Variants in CNIH3 observed in about 807,000 individuals in gnomAD.
CNIH3 encodes the protein cornichon family AMPA receptor auxiliary protein 3.
Under a neutral mutation model 24.1 loss-of-function variants are expected in CNIH3, and 14 were observed. That is an observed-to-expected ratio of 0.58 (90% CI 0.38 to 0.91). CNIH3 has a LOEUF of 0.91. CNIH3 is among the 40% of genes least tolerant of loss of function. CNIH3 has a pLI of 0.00. For missense variants in CNIH3, 178 were observed against 196.8 expected, an observed-to-expected ratio of 0.90 and a Z score of 0.57; for synonymous variants, 68 against 73.8, an observed-to-expected ratio of 0.92 and a Z score of 0.40.
At chr1:224,675,544 A>G (rs1474018308) in intron 1 of CNIH3, among the ~76,000 whole-genome samples, 2 of 152,272 alleles carry the variant, frequency 1.3e-5, no homozygotes, top group African/African-American at 2.4e-5. Flanking sequence ...GCCACAGCAT[A>G]GAAGACAATA....
chr1:224,455,769 C>T (rs1675624062), intron 1 of CNIH3, among the ~76,000 whole-genome samples: 2 of 152,214 alleles, frequency 1.3e-5, no homozygotes, highest in South Asian at 4.2e-4. Context: ...CTGTGTCGGC[C>T]ACATTAAAGC....
At position 224,736,081 on chromosome 1, in the gene CNIH3, C is replaced by A. The variant is rs546290446; in HGVS notation, c.455+1375C>A. 3.9e-5 allele frequency among the ~76,000 whole-genome samples: 6 copies of A among 152,304 alleles called. No individual in the cohort carries two copies. In the East Asian group the frequency reaches 1.2e-3, roughly 29 times the overall value. On this transcript the variant is annotated intron_variant, in intron 5 of 5. Transcript: ENST00000272133. ...TCCTGAATTCCAGCTATTAGTGTCACAGCTGTAAGTAGTACATCTTGAGTC... is the reference window on the plus strand; with the variant it reads ...TCCTGAATTCCAGCTATTAGTGTCAAAGCTGTAAGTAGTACATCTTGAGTC...
intron 1 of CNIH3, among the ~76,000 whole-genome samples, chr1:224,435,436 G>A (rs1285952803): frequency 6.6e-6 from 1 of 152,200 alleles, no homozygotes; most frequent in Admixed American, 6.5e-5. Context: ...TTAGTCTAGA[G>A]GAGCATATCT....
intron 2 of CNIH3, among the ~76,000 whole-genome samples, chr1:224,526,998 C>T (rs556898502): frequency 6.6e-6 from 1 of 152,288 alleles, no homozygotes; most frequent in Admixed American, 6.5e-5. Flanking sequence ...GCCCCATGAC[C>T]CAATCACCTC....
At chr1:224,687,166 G>A (rs563356654) in intron 3 of CNIH3, among the ~76,000 whole-genome samples, 3 of 152,310 alleles carry the variant, frequency 2.0e-5, no homozygotes, top group East Asian at 3.9e-4. Context: ...TAGCTCCCAC[G>A]GGGAGTAGCA....
rs529241393 is a variant in CNIH3 at position 224,484,132 on chromosome 1, T to C, written n.204-31609T>C. Among the ~76,000 whole-genome samples, 363 of 148,654 alleles carry C rather than the reference T, an allele frequency of 2.4e-3. 1 individual carries two copies. The highest frequency in any genetic ancestry group is 8.6e-3 in the African/African-American group (345 of 40,064). ...GTTGCAGTGAGCGGAGATCGCACCA[T>C]TGCACTCTAGCCTGGGCAACAAGAG... On this transcript the variant is annotated intron_variant and non_coding_transcript_variant, in intron 1 of 5. Coordinates refer to the CNIH3 transcript ENST00000471578.
intron 3 of CNIH3, among the ~76,000 whole-genome samples, chr1:224,692,412 G>T (rs900942199): frequency 3.9e-5 from 6 of 152,100 alleles, no homozygotes; most frequent in African/African-American, 1.4e-4. Context: ...CTGTTAATAC[G>T]GTTCTTCCTA....
chr1:224,542,918 A>C (rs1435724115), intron 2 of CNIH3, among the ~76,000 whole-genome samples: 1 of 152,160 alleles, frequency 6.6e-6, no homozygotes, highest in Non-Finnish European at 1.5e-5. Flanking sequence ...GGAATTTTCC[A>C]AGTTGTCTTT....
chr1:224,513,315 A>AT (rs548599855), upstream of CNIH3, among the ~76,000 whole-genome samples: 29,276 of 72,490 alleles, frequency 0.4, 3,903 homozygotes, highest in African/African-American at 0.51. Flanking sequence ...CACCTGGTTA[A>AT]TTTTTTTTTT....
In CNIH3 at chr1:224,739,413, G is replaced by A; in HGVS notation, c.*57G>A. 6.3e-7 allele frequency: 1 copy of A among 1,587,174 alleles called. No individual in the cohort carries two copies. The highest frequency in any genetic ancestry group is 1.2e-5 in the South Asian group (1 of 85,720). On this transcript the variant is annotated 3_prime_UTR_variant, in exon 6 of 6. Coordinates refer to ENST00000272133, the MANE Select transcript of CNIH3 (RefSeq NM_152495.2). Reference sequence around the variant, plus strand: ...GATGGGAGAGGCCTGAGACGGAGAGGTGCATTTCTGCTGGTGACTGGAGGA... The same window carrying A: ...GATGGGAGAGGCCTGAGACGGAGAGATGCATTTCTGCTGGTGACTGGAGGA...
chr1:224,600,827 T>C (rs1286930323), intron 3 of CNIH3, among the ~76,000 whole-genome samples: 1 of 152,212 alleles, frequency 6.6e-6, no homozygotes. Flanking sequence ...CTTAATCTGA[T>C]AGAACTCCTG....
chr1:224,737,219 G>A (rs1308341072), intron 5 of CNIH3, among the ~76,000 whole-genome samples: 1 of 151,682 alleles, frequency 6.6e-6, no homozygotes, highest in Admixed American at 6.6e-5. Context: ...CCGCTGCGGG[G>A]GTGGGAGGGG....
At chr1:224,520,083 A>G (rs1003293929) in intron 1 of CNIH3, among the ~76,000 whole-genome samples, 1 of 152,168 alleles carries the variant, frequency 6.6e-6, no homozygotes, top group Non-Finnish European at 1.5e-5. Context: ...CAACAGCTGC[A>G]TCTTTGCCAC....
chr1:224,723,120 G>A (rs1323630523), intron 3 of CNIH3, among the ~76,000 whole-genome samples: 2 of 152,172 alleles, frequency 1.3e-5, no homozygotes, highest in Admixed American at 6.5e-5. Context: ...GGTCCCCAAC[G>A]AGCAGTGAGG....
intron 1 of CNIH3, among the ~76,000 whole-genome samples, chr1:224,639,726 C>A (rs1033667914): frequency 2.6e-5 from 4 of 152,184 alleles, no homozygotes; most frequent in Middle Eastern, 3.2e-3. Context: ...TTCTAAATTT[C>A]TTCCTGAGGG....
intron 1 of CNIH3, among the ~76,000 whole-genome samples, chr1:224,660,330 C>T (rs1329784576): frequency 6.6e-6 from 1 of 152,058 alleles, no homozygotes; most frequent in Non-Finnish European, 1.5e-5. Context: ...ATGGAAATCA[C>T]CCCCATAATT....
chr1:224,671,770 T>C (rs942753186), intron 1 of CNIH3, among the ~76,000 whole-genome samples: 3 of 152,150 alleles, frequency 2.0e-5, no homozygotes, highest in Admixed American at 2.0e-4. Context: ...AGACCCTGAG[T>C]CTTTTTCTAG....
chr1:224,669,893 C>T (rs569304057), intron 1 of CNIH3, among the ~76,000 whole-genome samples: 31 of 152,190 alleles, frequency 2.0e-4, no homozygotes, highest in African/African-American at 7.0e-4. Context: ...TGAGACATGC[C>T]GACTTGCATG....
chr1:224,674,288 T>A (rs1168651162), intron 1 of CNIH3, among the ~76,000 whole-genome samples: 4 of 86,120 alleles, frequency 4.6e-5, no homozygotes, highest in Non-Finnish European at 7.2e-5. Context: ...TTTTTTTTTT[T>A]TTTTTTTTTT....
Sources: gnomAD v4.1 joint callset for allele counts (sites outside exome capture counted in the v4.1 genomes callset) on GRCh38, gnomAD v4.1.1 for gene constraint, MANE v1.5 for transcripts, NCBI Gene and HGNC (gene_info 2026-07-23, HGNC 2026-07-21) for gene names.